Variants in SORBS2 observed in about 807,000 individuals in gnomAD.
SORBS2 encodes sorbin and SH3 domain-containing protein 2.
A neutral mutation model predicts 97.7 loss-of-function variants in SORBS2; 46 were observed. The observed-to-expected ratio is 0.47, with a 90% CI of 0.37 to 0.60. The LOEUF (loss-of-function observed/expected upper bound fraction) is 0.60, where lower values mean the gene tolerates loss of function less well. SORBS2 is among the 20% of genes least tolerant of loss of function. The pLI is 0.00. For missense variants in SORBS2, 1,316 were observed against 1,282.3 expected, an observed-to-expected ratio of 1.03 and a Z score of -0.40; for synonymous variants, 476 against 473.4, an observed-to-expected ratio of 1.01 and a Z score of -0.07.
chr4:185,730,378 G>A (rs1021940963), intron 2 of SORBS2, among the ~76,000 whole-genome samples: 4 of 143,640 alleles, frequency 2.8e-5, no homozygotes, highest in African/African-American at 1.0e-4. Context: ...AGAGTGGGTT[G>A]AAGTTTTGTA....
intron 2 of SORBS2, among the ~76,000 whole-genome samples, chr4:185,700,018 T>C (rs1051686322): frequency 2.0e-5 from 3 of 152,208 alleles, no homozygotes; most frequent in Non-Finnish European, 4.4e-5. Flanking sequence ...AAAAACAAAG[T>C]GGTGTGTTTA....
intron 4 of SORBS2, among the ~76,000 whole-genome samples, chr4:185,662,733 T>C (rs1169805422): frequency 1.3e-5 from 2 of 152,202 alleles, no homozygotes; most frequent in Non-Finnish European, 2.9e-5. Flanking sequence ...GTGAATAACA[T>C]AAGGAACCTA....
exon 15 of SORBS2, chr4:185,587,265 T>A (rs920630369): frequency 1.4e-5 from 3 of 211,992 alleles, no homozygotes; most frequent in African/African-American, 7.1e-5. Context: ...GGGGAGATGT[T>A]GAAATGGAGC....
chr4:185,641,706 T>G (rs2097128427), intron 4 of SORBS2, among the ~76,000 whole-genome samples: 1 of 151,870 alleles, frequency 6.6e-6, no homozygotes, highest in Non-Finnish European at 1.5e-5. Flanking sequence ...GCAAAGATAC[T>G]GATATGCATC....
At chr4:185,793,586 T>C (rs962854992) in intron 1 of SORBS2, among the ~76,000 whole-genome samples, 18 of 152,176 alleles carry the variant, frequency 1.2e-4, no homozygotes, top group African/African-American at 4.1e-4. Flanking sequence ...TTATGGAAAT[T>C]TATTTTTATT....
intron 1 of SORBS2, among the ~76,000 whole-genome samples, chr4:185,952,502 T>C (rs921913322): frequency 1.6e-4 from 24 of 152,194 alleles, no homozygotes; most frequent in African/African-American, 5.5e-4. Flanking sequence ...TGGAATCCTC[T>C]CTAGATTTAA....
intron 4 of SORBS2, among the ~76,000 whole-genome samples, chr4:185,664,362 CAGTT>C (rs202110684): frequency 0.012 from 1,754 of 152,250 alleles, 15 homozygotes; most frequent in Middle Eastern, 0.017. Context: ...GTATATAAGA[CAGTT>C]AGTCTCCTGT....
intron 5 of SORBS2, among the ~76,000 whole-genome samples, chr4:185,628,170 TAA>T (rs1221886123): frequency 1.3e-5 from 2 of 152,202 alleles, no homozygotes; most frequent in Admixed American, 1.3e-4. Flanking sequence ...TGTGTGAACC[TAA>T]GTTTTTAAAC....
At chr4:185,586,624 A>G (rs1416395781) in exon 15 of SORBS2, 1 of 152,652 alleles carries the variant, frequency 6.6e-6, no homozygotes, top group Admixed American at 6.5e-5. Context: ...ACAACATATC[A>G]TATGGATTAT....
chr4:185,630,000 G>A (rs1581350087), intron 5 of SORBS2, among the ~76,000 whole-genome samples: 1 of 152,090 alleles, frequency 6.6e-6, no homozygotes, highest in Non-Finnish European at 1.5e-5. Context: ...CTTGCCAACT[G>A]TGTAAACTTG....
chr4:185,782,163 C>T (rs1010514063), intron 1 of SORBS2, among the ~76,000 whole-genome samples: 2 of 152,318 alleles, frequency 1.3e-5, no homozygotes, highest in Non-Finnish European at 2.9e-5. Flanking sequence ...TTTATCAGAA[C>T]TTGTGAAATA....
chr4:185,622,925 C>T, exon 7 of SORBS2: 1 of 1,607,576 alleles, frequency 6.2e-7, no homozygotes, highest in Non-Finnish European at 8.5e-7. Context: ...TTGGAGTGCA[C>T]CGCCACGGTC....
At chr4:185,766,078 G>A (rs528037673) in intron 2 of SORBS2, among the ~76,000 whole-genome samples, 2 of 152,322 alleles carry the variant, frequency 1.3e-5, no homozygotes, top group East Asian at 3.9e-4. Context: ...CCAAAAGGGA[G>A]TGTTTTACTG....
Position 185,951,750 on chromosome 4 carries a change from A to T in SORBS2, c.-338+4446T>A, listed in dbSNP as rs969816102. Among the ~76,000 whole-genome samples, 3 of 152,324 alleles carry T rather than the reference A, an allele frequency of 2.0e-5. No individual in the cohort carries two copies. In the East Asian group the frequency reaches 5.8e-4, roughly 29 times the overall value. ...TTGTGAAGTCAAATTGAGACTATTA[A>T]TTTGGCCACCTTTCCCATCGGGTAA... On this transcript the variant is annotated intron_variant, in intron 1 of 20. Coordinates refer to the SORBS2 transcript ENST00000284776.
intron 1 of SORBS2, among the ~76,000 whole-genome samples, chr4:185,783,517 G>C (rs947128233): frequency 1.3e-5 from 2 of 152,166 alleles, no homozygotes; most frequent in Admixed American, 1.3e-4. Flanking sequence ...GTATATTATA[G>C]AGAAGTCTGG....
chr4:185,736,472 G>A (rs1189685335), intron 2 of SORBS2, among the ~76,000 whole-genome samples: 1 of 152,232 alleles, frequency 6.6e-6, no homozygotes, highest in African/African-American at 2.4e-5. Context: ...AGACTCCAGA[G>A]AAAGTAGGAA....
intron 12 of SORBS2, among the ~76,000 whole-genome samples, chr4:185,595,913 G>T (rs190212616): frequency 6.6e-6 from 1 of 152,036 alleles, no homozygotes; most frequent in Admixed American, 6.5e-5. Context: ...ATGATTTTGA[G>T]AATGTACATG....
chr4:185,876,991 A>G (rs1364556359), intron 1 of SORBS2, among the ~76,000 whole-genome samples: 1 of 152,246 alleles, frequency 6.6e-6, no homozygotes, highest in African/African-American at 2.4e-5. Context: ...TTGTAGCTTA[A>G]GCCTTTTTCT....
In SORBS2 at chr4:185,605,210, G is replaced by T. The variant is rs1418768549; in HGVS notation, c.2796+6570C>A. Among the ~76,000 whole-genome samples the T allele has an allele frequency of 2.6e-5, 4 of 152,208 alleles. No homozygotes were observed. In the East Asian group the frequency reaches 7.7e-4, roughly 29 times the overall value. On this transcript the variant is annotated intron_variant, in intron 12 of 14. Coordinates refer to ENST00000418609, the Ensembl canonical transcript of SORBS2. The stretch of plus-strand genomic sequence containing the variant: ...TAGCGTAATAGGAACCATCCTTTCT[G>T]TTATTTCATAATTTCTATAATTGCC...
Sources: allele counts gnomAD v4.1 joint callset (sites outside exome capture counted in the v4.1 genomes callset), GRCh38; gene constraint gnomAD v4.1.1; transcripts MANE v1.5; gene names NCBI Gene and HGNC (gene_info 2026-07-23, HGNC 2026-07-21).